The following ZDHHC7 variants were observed in gnomAD, a reference collection of about 807,000 sequenced individuals.
ZDHHC7 encodes the protein zDHHC palmitoyltransferase 7.
A neutral mutation model predicts 34.1 loss-of-function variants in ZDHHC7; 12 were observed. The ratio of observed to expected loss-of-function variants is 0.35; its 90% confidence interval spans 0.23 to 0.57. ZDHHC7 has a LOEUF of 0.57. Among genes scored for constraint, ZDHHC7 ranks in the 20% least tolerant of loss-of-function variants. The pLI, the probability that ZDHHC7 is intolerant of heterozygous loss-of-function variation, is 0.84. For missense variants in ZDHHC7, 388 were observed against 402.7 expected (o/e 0.96, Z 0.31); for synonymous variants, 185 against 155.4 (o/e 1.19, Z -1.42).
intron 4 of ZDHHC7, among the ~76,000 whole-genome samples, chr16:84,980,323 C>A (rs946163213): frequency 6.6e-6 from 1 of 152,032 alleles, no homozygotes; most frequent in African/African-American, 2.4e-5. Context: ...TCCACAGCAC[C>A]TGACTTCCAA....
At chr16:84,978,872 AAAAAGAAAAAAAG>A (rs1265398060) in intron 5 of ZDHHC7, among the ~76,000 whole-genome samples, 15 of 151,646 alleles carry the variant, frequency 9.9e-5, no homozygotes, top group Non-Finnish European at 2.9e-5. Context: ...CAAAAAAAAA[AAAAAGAAAAAAAG>A]AAAAGAAAAA....
intron 5 of ZDHHC7, among the ~76,000 whole-genome samples, chr16:84,978,461 T>C (rs561525259): frequency 6.6e-6 from 1 of 152,260 alleles, no homozygotes. Flanking sequence ...TAGCTGGGCA[T>C]GGTGGCTCAC....
intron 1 of ZDHHC7, among the ~76,000 whole-genome samples, chr16:84,997,258 T>C (rs1385236722): frequency 2.1e-5 from 3 of 146,214 alleles, no homozygotes; most frequent in South Asian, 2.2e-4. Context: ...CTATAGATTC[T>C]AAATTTTCCT....
chr16:85,010,896 C>A (rs1465864687), intron 1 of ZDHHC7, among the ~76,000 whole-genome samples: 3 of 152,212 alleles, frequency 2.0e-5, no homozygotes, highest in Admixed American at 6.5e-5. Context: ...ACGCGAAGTG[C>A]GAGACTGCTC....
In ZDHHC7 at chr16:84,981,969, G is replaced by A. The variant is rs751339955; in HGVS notation, c.341C>T (p.Thr114Met). Residue 114 changes from threonine to methionine, a missense_variant, in exon 4 of 8, where the codon ACG becomes ATG. Physicochemically the swap from Thr to Met is moderately conservative, Grantham distance 81. Transcript: ENST00000313732. ...CTGCAAGCTCTCCATGTATTCTTTCGTAGCGTTTCCTTTGGGTACTGCCCC... is the reference window on the plus strand; with the variant it reads ...CTGCAAGCTCTCCATGTATTCTTTCATAGCGTTTCCTTTGGGTACTGCCCC... ...DPGAVPKGNA[T>M]KEYMESLQLK... The A allele has an allele frequency of 1.9e-5, 31 of 1,614,016 alleles. No homozygotes were observed. Among genetic ancestry groups the A allele is most frequent in the Admixed American group, 5.0e-5 (3 of 59,996 alleles).
intron 1 of ZDHHC7, among the ~76,000 whole-genome samples, chr16:84,998,426 T>C (rs1161919988): frequency 6.6e-6 from 1 of 152,174 alleles, no homozygotes; most frequent in Non-Finnish European, 1.5e-5. Context: ...ACTCCATCTG[T>C]AGCTGAGATG....
upstream of ZDHHC7, among the ~76,000 whole-genome samples, chr16:85,014,231 C>A (rs1234757977): frequency 3.9e-5 from 6 of 152,088 alleles, no homozygotes; most frequent in African/African-American, 1.4e-4. Context: ...TTCAGGATGG[C>A]CACCTGAGAA....
chr16:85,004,290 A>C (rs1194353160), intron 1 of ZDHHC7, among the ~76,000 whole-genome samples: 4 of 151,952 alleles, frequency 2.6e-5, no homozygotes, highest in Non-Finnish European at 4.4e-5. Context: ...AACCTACCCC[A>C]AATCCGACCA....
chr16:84,995,646 AC>A lies in ZDHHC7; in HGVS notation c.-18+275del, dbSNP rs112704485. On this transcript the variant is annotated intron_variant, in intron 2 of 7. Transcript: ENST00000313732. ...ATCTCAAAAAAAACAGACAAAAAAA[AC>A]CAAACCACTTTCCATTTCAGGTGGA... Among the ~76,000 whole-genome samples, 5 of 152,132 alleles carry A rather than the reference AC, an allele frequency of 3.3e-5. No homozygotes were observed. In the Middle Eastern group the frequency reaches 0.01, roughly 310 times the overall value.
At position 84,977,009 on chromosome 16, in the gene ZDHHC7, C is replaced by T. The variant is rs1687858769; in HGVS notation, c.750+86G>A. On this transcript the variant is annotated intron_variant, in intron 7 of 7. Coordinates refer to ENST00000313732, the MANE Select transcript of ZDHHC7 (RefSeq NM_017740.3). ...CCCATTACGTTCCCGAGTCAGTCCACAGGCACCTATTGTTGACATTAGGAC... is the reference window on the plus strand; with the variant it reads ...CCCATTACGTTCCCGAGTCAGTCCATAGGCACCTATTGTTGACATTAGGAC... The T allele has an allele frequency of 1.9e-6, 3 of 1,560,240 alleles. No homozygotes were observed. The South Asian group carries it at 3.6e-5, about 19-fold the overall frequency.
chr16:84,984,014 CTT>C (rs1199886313), intron 3 of ZDHHC7, among the ~76,000 whole-genome samples: 5 of 132,892 alleles, frequency 3.8e-5, no homozygotes, highest in Non-Finnish European at 3.2e-5. Context: ...AATTTAGAGT[CTT>C]TTTTTTTTTT....
At chr16:84,990,245 C>T in intron 3 of ZDHHC7, 59 bp downstream of exon 3, 1 of 1,569,730 alleles carries the variant, frequency 6.4e-7, no homozygotes, top group South Asian at 1.2e-5. Context: ...GGGTCAGCCA[C>T]ACCCGAGGAC....
upstream of ZDHHC7, among the ~76,000 whole-genome samples, chr16:85,014,059 C>A (rs1374321912): frequency 2.0e-5 from 3 of 152,144 alleles, no homozygotes; most frequent in Non-Finnish European, 4.4e-5. Context: ...GTTTTCTTTT[C>A]CTCCCCTACA....
At chr16:85,002,791 C>A (rs6564092) in intron 1 of ZDHHC7, among the ~76,000 whole-genome samples, 2 of 151,774 alleles carry the variant, frequency 1.3e-5, no homozygotes, top group Admixed American at 1.3e-4. Context: ...GAAACCCGGG[C>A]ATGAAGAGAA....
chr16:85,009,343 A>G (rs903179189), intron 1 of ZDHHC7, among the ~76,000 whole-genome samples: 4 of 152,028 alleles, frequency 2.6e-5, no homozygotes, highest in African/African-American at 9.7e-5. Context: ...AGTTCATTTC[A>G]GTGCTTTCTT....
intron 1 of ZDHHC7, 144 bp from the exon 2 acceptor site, chr16:84,996,151 T>C (rs1481446691): frequency 6.6e-6 from 1 of 152,228 alleles, no homozygotes; most frequent in African/African-American, 2.4e-5. Context: ...AAGTATGAAA[T>C]CATTGCTCTT....
At position 84,976,067 on chromosome 16, in the gene ZDHHC7, G is replaced by A. The variant is rs1257598091; in HGVS notation, c.*276C>T. On this transcript the variant is annotated 3_prime_UTR_variant, in exon 8 of 8. Coordinates refer to ENST00000313732, the MANE Select transcript of ZDHHC7 (RefSeq NM_017740.3). ...ATTTGAATAACCCATGTAATAACCC[G>A]AAGTATTCTCCACAGAAGCCCCAGC... is the stretch of plus-strand genomic sequence containing the variant. 15 of 441,356 alleles carry A rather than the reference G, an allele frequency of 3.4e-5. 1 individual carries two copies. The highest frequency in any genetic ancestry group is 1.4e-4 in the South Asian group (5 of 36,936). The allele number at this position is 441,356 out of a possible 1,614,324, so 27.3% of individuals were successfully genotyped here. A position where few individuals can be genotyped will look rare whatever the true frequency, so the allele number is the denominator to read the frequency against.
chr16:84,976,510 G>A lies in ZDHHC7; in HGVS notation c.760C>T (p.Arg254Ter). The part of the protein sequence containing the change: ...SICNDETEIE[R>*]LKSEKPTWER... ...CATGTGGGCTTCTCACTTTTCAATCGCTCGATCTCCTGGAAGCAGAAAGAA... is the reference window on the plus strand; with the variant it reads ...CATGTGGGCTTCTCACTTTTCAATCACTCGATCTCCTGGAAGCAGAAAGAA... Residue 254 changes from arginine (R) to a stop codon, truncating the protein, a stop_gained, in exon 8 of 8, where the codon CGA becomes TGA. Transcript: ENST00000313732. LOFTEE classifies it high-confidence loss of function. 6.2e-7 allele frequency: 1 copy of A among 1,613,328 alleles called. No homozygotes were observed. The highest frequency in any genetic ancestry group is 8.5e-7 in the Non-Finnish European group (1 of 1,179,934).
chr16:84,984,443 G>C (rs2072410887), intron 3 of ZDHHC7, among the ~76,000 whole-genome samples: 2 of 152,140 alleles, frequency 1.3e-5, no homozygotes, highest in South Asian at 4.1e-4. Context: ...TCTCCTCAGA[G>C]GAAATGGGCC....
Sources: gnomAD v4.1 joint callset for allele counts (sites outside exome capture counted in the v4.1 genomes callset) on GRCh38, gnomAD v4.1.1 for gene constraint, MANE v1.5 for transcripts, NCBI Gene and HGNC (gene_info 2026-07-23, HGNC 2026-07-21) for gene names.